Variants in FRMD4A observed in about 807,000 individuals in gnomAD.
FRMD4A encodes the protein FERM domain-containing protein 4A.
FRMD4A carries 29 observed loss-of-function variants against 129.1 expected under a neutral mutation model. The ratio of observed to expected loss-of-function variants is 0.22; its 90% CI spans 0.17 to 0.31. The LOEUF (loss-of-function observed/expected upper bound fraction) is 0.31, where lower values mean the gene tolerates loss of function less well. Among genes scored for constraint, FRMD4A ranks in the 10% least tolerant of loss-of-function variants. The pLI is 1.00. For missense variants in FRMD4A, 1,272 were observed against 1,375.8 expected (o/e 0.92, Z 1.19); for synonymous variants, 634 against 571.6 (o/e 1.11, Z -1.56).
intron 2 of FRMD4A, among the ~76,000 whole-genome samples, chr10:13,998,418 C>T (rs537915011): frequency 1.3e-5 from 2 of 152,316 alleles, no homozygotes; most frequent in South Asian, 2.1e-4. Flanking sequence ...CCAGTGAACC[C>T]CTGATAATGT....
chr10:13,658,129 T>C, intron 21 of FRMD4A, among the ~76,000 whole-genome samples: 1 of 104,192 alleles, frequency 9.6e-6, no homozygotes, highest in African/African-American at 3.6e-5. Context: ...ACCCTGTCTC[T>C]CTTAAAAAAA....
intron 2 of FRMD4A, among the ~76,000 whole-genome samples, chr10:13,935,864 A>C (rs1461930926): frequency 2.0e-5 from 3 of 152,126 alleles, no homozygotes; most frequent in African/African-American, 7.2e-5. Context: ...AAAAAGCAAG[A>C]CTCAAACCCA....
intron 2 of FRMD4A, among the ~76,000 whole-genome samples, chr10:14,089,010 A>G (rs1170954044): frequency 6.6e-6 from 1 of 152,010 alleles, no homozygotes; most frequent in Admixed American, 6.5e-5. Context: ...TAGCTTACCC[A>G]GAAGGGGCGA....
intron 24 of FRMD4A, chr10:13,651,197 G>C (rs1212737027): frequency 6.6e-6 from 1 of 152,286 alleles, no homozygotes; most frequent in Non-Finnish European, 1.5e-5. Context: ...CGAGCTCCCA[G>C]GTGATGGTGG....
intron 8 of FRMD4A, among the ~76,000 whole-genome samples, chr10:13,751,972 T>G (rs1467330326): frequency 1.3e-5 from 2 of 152,018 alleles, no homozygotes; most frequent in African/African-American, 4.8e-5. Context: ...GCTATGACCA[T>G]GCCACTGTTC....
intron 2 of FRMD4A, among the ~76,000 whole-genome samples, chr10:13,958,302 GGA>G (rs2095422898): frequency 2.1e-5 from 1 of 46,978 alleles, no homozygotes; most frequent in Non-Finnish European, 3.9e-5. Context: ...TTTTTTTTTT[GGA>G]GACGGAGTCT....
chr10:13,687,866 T>C (rs1368808142), intron 15 of FRMD4A, among the ~76,000 whole-genome samples: 9 of 152,166 alleles, frequency 5.9e-5, no homozygotes, highest in African/African-American at 9.7e-5. Context: ...CAGTGCTGCA[T>C]GGGGAGGTGA....
At chr10:13,832,780 G>C (rs1382362704) in intron 3 of FRMD4A, among the ~76,000 whole-genome samples, 3 of 151,998 alleles carry the variant, frequency 2.0e-5, no homozygotes, top group Non-Finnish European at 4.4e-5. Flanking sequence ...GCTGGGACTA[G>C]AGGTGAATGC....
chr10:14,245,755 T>A (rs1331514434), intron 2 of FRMD4A, among the ~76,000 whole-genome samples: 1 of 152,160 alleles, frequency 6.6e-6, no homozygotes, highest in African/African-American at 2.4e-5. Context: ...TCAGAAGGAA[T>A]GGACCCTGCT....
At chr10:14,072,435 T>C (rs1835360189) in intron 2 of FRMD4A, among the ~76,000 whole-genome samples, 1 of 152,216 alleles carries the variant, frequency 6.6e-6, no homozygotes, top group South Asian at 2.1e-4. Flanking sequence ...AAACATTATT[T>C]GGAAAATTAA....
chr10:14,184,298 A>ATTTTTTTTTTTTTTTT (rs60196881), intron 2 of FRMD4A, among the ~76,000 whole-genome samples: 1,768 of 104,504 alleles, frequency 0.017, 188 homozygotes, highest in East Asian at 0.11. Context: ...CAACCGGTTA[A>ATTTTTTTTTTTTTTTT]TTTTTTTTTT....
intron 2 of FRMD4A, among the ~76,000 whole-genome samples, chr10:13,860,759 G>C (rs1285775636): frequency 6.6e-6 from 1 of 152,104 alleles, no homozygotes; most frequent in African/African-American, 2.4e-5. Flanking sequence ...CACAGTGCCT[G>C]GCCCTAAGGG....
At chr10:14,330,538 CCT>C (rs1288812138) in intron 1 of FRMD4A, 57 bp downstream of exon 1, 15 of 409,008 alleles carry the variant, frequency 3.7e-5, no homozygotes, top group Non-Finnish European at 6.5e-5. Flanking sequence ...CGAGCCACCC[CCT>C]CTCTCTGCAT....
chr10:14,036,924 C>G (rs11817013), intron 2 of FRMD4A, among the ~76,000 whole-genome samples: 31,460 of 152,068 alleles, frequency 0.21, 3,717 homozygotes, highest in East Asian at 0.42. Context: ...CTGAAAAGCT[C>G]TGCTTTTGAA....
At chr10:14,081,923 T>C (rs778185392) in intron 2 of FRMD4A, among the ~76,000 whole-genome samples, 1 of 152,220 alleles carries the variant, frequency 6.6e-6, no homozygotes, top group South Asian at 2.1e-4. Context: ...ATTCACTCCA[T>C]ACTTCTTAAA....
intron 12 of FRMD4A, among the ~76,000 whole-genome samples, chr10:13,717,930 C>G (rs547259616): frequency 2.0e-4 from 30 of 152,008 alleles, no homozygotes; most frequent in Non-Finnish European, 4.1e-4. Flanking sequence ...TCACCCATAA[C>G]AAAAAGAAAA....
intron 2 of FRMD4A, among the ~76,000 whole-genome samples, chr10:14,236,995 C>CAAAAA (rs71477244): frequency 4.2e-4 from 32 of 75,388 alleles, no homozygotes; most frequent in African/African-American, 1.2e-3. Flanking sequence ...AACAGGTCAG[C>CAAAAA]AAAAAAAAAA....
intron 2 of FRMD4A, among the ~76,000 whole-genome samples, chr10:14,278,418 T>C (rs1845411529): frequency 1.3e-5 from 2 of 152,212 alleles, no homozygotes. Context: ...CAGTGATTTA[T>C]TTCTTGTTAG....
At chr10:13,796,340 T>G (rs3740122) in intron 5 of FRMD4A, among the ~76,000 whole-genome samples, 156 bp downstream of exon 5, 49,294 of 152,018 alleles carry the variant, frequency 0.32, 8,250 homozygotes, top group East Asian at 0.45. Context: ...CACCCCGCCT[T>G]TCCATCTATG....
Sources: gnomAD v4.1 joint callset for allele counts (sites outside exome capture counted in the v4.1 genomes callset) on GRCh38, gnomAD v4.1.1 for gene constraint, MANE v1.5 for transcripts, NCBI Gene and HGNC (gene_info 2026-07-23, HGNC 2026-07-21) for gene names.